AFG1L: variants seen among roughly 807,000 people sequenced by gnomAD.
AFG1L encodes the protein AFG1-like ATPase.
In AFG1L, 53 loss-of-function variants were observed where a neutral mutation model predicts 62.2. The ratio of observed to expected loss-of-function variants is 0.85; its 90% CI spans 0.68 to 1.07. The LOEUF (loss-of-function observed/expected upper bound fraction) is 1.07. Ranked by LOEUF, AFG1L falls within the 50% of genes least tolerant of loss-of-function variation. AFG1L has a pLI of 0.00. For missense variants in AFG1L, 555 were observed against 590.5 expected, an observed-to-expected ratio of 0.94 and a Z score of 0.62; for synonymous variants, 228 against 210.3, an observed-to-expected ratio of 1.08 and a Z score of -0.73.
chr6:108,384,185 G>A (rs1780666830), intron 6 of AFG1L, among the ~76,000 whole-genome samples: 1 of 152,148 alleles, frequency 6.6e-6, no homozygotes, highest in Admixed American at 6.5e-5. Flanking sequence ...AGTCAGTGCT[G>A]CATTGATACC....
At chr6:108,365,231 T>C (rs1477115678) in intron 5 of AFG1L, among the ~76,000 whole-genome samples, 1 of 152,192 alleles carries the variant, frequency 6.6e-6, no homozygotes, top group African/African-American at 2.4e-5. Flanking sequence ...CAATGATTGA[T>C]GTCAATCTTC....
intron 8 of AFG1L, among the ~76,000 whole-genome samples, chr6:108,474,415 G>T (rs1436679437): frequency 6.6e-6 from 1 of 152,140 alleles, no homozygotes; most frequent in Non-Finnish European, 1.5e-5. Context: ...TGGGATTGCT[G>T]GGTCAAATGG....
chr6:108,404,349 A>G (rs998586506), intron 7 of AFG1L, among the ~76,000 whole-genome samples: 10 of 152,190 alleles, frequency 6.6e-5, no homozygotes, highest in South Asian at 2.1e-4. Flanking sequence ...CCAAATAGTT[A>G]TAAGTTTGTA....
chr6:108,309,604 C>T (rs1777327483), intron 1 of AFG1L, among the ~76,000 whole-genome samples: 2 of 152,090 alleles, frequency 1.3e-5, no homozygotes, highest in African/African-American at 4.8e-5. Context: ...TATTGGAAAA[C>T]TGTTCACCTA....
At chr6:108,333,123 C>T (rs1562089725) in intron 2 of AFG1L, among the ~76,000 whole-genome samples, 1 of 152,114 alleles carries the variant, frequency 6.6e-6, no homozygotes, top group African/African-American at 2.4e-5. Flanking sequence ...AAATAATTGA[C>T]TACTGGCTGG....
At chr6:108,475,553 T>A (rs1243009336) in intron 8 of AFG1L, among the ~76,000 whole-genome samples, 2 of 152,192 alleles carry the variant, frequency 1.3e-5, no homozygotes, top group African/African-American at 4.8e-5. Context: ...TTTCTGTCTC[T>A]AAAATTACTT....
intron 8 of AFG1L, among the ~76,000 whole-genome samples, chr6:108,470,907 GT>G (rs1375234841): frequency 6.6e-6 from 1 of 152,214 alleles, no homozygotes; most frequent in African/African-American, 2.4e-5. Context: ...TCATTCACAT[GT>G]TAGGAGGGTG....
intron 8 of AFG1L, among the ~76,000 whole-genome samples, chr6:108,462,906 C>T (rs181937899): frequency 1.3e-3 from 200 of 152,278 alleles, no homozygotes; most frequent in African/African-American, 4.5e-3. Context: ...ACAGTTATAA[C>T]TGAAGATCAA....
chr6:108,402,126 T>C (rs773097906), intron 7 of AFG1L, 72 bp downstream of exon 7: 2 of 747,890 alleles, frequency 2.7e-6, no homozygotes, highest in Non-Finnish European at 4.2e-6. Context: ...AGTAGGATTG[T>C]CTTAGTCTTG....
chr6:108,522,204 G>A, intron 12 of AFG1L, 93 bp from the exon 13 acceptor site: 1 of 1,156,244 alleles, frequency 8.6e-7, no homozygotes, highest in Non-Finnish European at 1.2e-6. Context: ...AATCTAAACC[G>A]GTAAGCCTAA....
rs1775255351 is a variant in AFG1L, at chr6:108,524,619, G to A, written c.*2194G>A. On this transcript the variant is annotated 3_prime_UTR_variant, in exon 13 of 13. Coordinates refer to ENST00000368977, the MANE Select transcript of AFG1L (RefSeq NM_145315.5). ...GTCTCCACCTAAGTAACTGGAGCATGTGCCCACTTCTGTGCCCCCAATCCG... is the reference window on the plus strand; with the variant it reads ...GTCTCCACCTAAGTAACTGGAGCATATGCCCACTTCTGTGCCCCCAATCCG... The A allele has an allele frequency of 6.6e-6, 1 of 152,230 alleles. No homozygotes were observed. 9.4% of individuals were successfully genotyped at this position (152,230 alleles called of 1,614,324 possible). A position where few individuals can be genotyped will look rare whatever the true frequency, so the allele number is the denominator to read the frequency against.
chr6:108,328,179 A>C (rs1300988021), intron 2 of AFG1L, among the ~76,000 whole-genome samples: 1 of 152,228 alleles, frequency 6.6e-6, no homozygotes, highest in African/African-American at 2.4e-5. Flanking sequence ...ATATATTTGC[A>C]TATAGTATAT....
chr6:108,295,481 C>G (rs1044715924), intron 1 of AFG1L, among the ~76,000 whole-genome samples: 1 of 152,142 alleles, frequency 6.6e-6, no homozygotes, highest in Non-Finnish European at 1.5e-5. Context: ...GTTTAGAGAG[C>G]TGAACCTAGT....
rs1233935314 is a variant in AFG1L, at chr6:108,296,236, C to T, written c.139+1018C>T. Among the ~76,000 whole-genome samples, 3 of 152,170 alleles carry T rather than the reference C, an allele frequency of 2.0e-5. No individual in the cohort carries two copies. The South Asian group carries it at 6.2e-4, about 31-fold the overall frequency. On this transcript the variant is annotated intron_variant, in intron 1 of 12. Transcript: ENST00000368977. ...ATTTAGTATAATGGAATAGGCTCCA[C>T]ACACTGCCTGGGGGTAGCCCTGATC...
At chr6:108,514,680 C>T (rs1159831848) in intron 11 of AFG1L, among the ~76,000 whole-genome samples, 1 of 152,148 alleles carries the variant, frequency 6.6e-6, no homozygotes, top group African/African-American at 2.4e-5. Flanking sequence ...GCTAAATGCT[C>T]CAATTAAAAG....
chr6:108,488,099 T>A (rs1246782559), intron 10 of AFG1L, among the ~76,000 whole-genome samples: 1 of 152,178 alleles, frequency 6.6e-6, no homozygotes, highest in Non-Finnish European at 1.5e-5. Flanking sequence ...TTAAATAAAC[T>A]AACATGCTAG....
Position 108,525,778 on chromosome 6 carries a change from G to T in AFG1L, c.*3353G>T, listed in dbSNP as rs1412087005. 2 of 152,224 alleles carry T rather than the reference G, an allele frequency of 1.3e-5. No homozygotes were observed. Among genetic ancestry groups the T allele is most frequent in the African/African-American group, 4.8e-5 (2 of 41,458 alleles). 9.4% of individuals were successfully genotyped at this position (152,224 alleles called of 1,614,324 possible). A position where few individuals can be genotyped will look rare whatever the true frequency, so the allele number is the denominator to read the frequency against. On this transcript the variant is annotated 3_prime_UTR_variant, in exon 13 of 13. Transcript: ENST00000368977. ...CCGAAGTCAATAAAATTAGCAAAGT[G>T]CTAACGTATTAAATTTTCCATTTCA...
At chr6:108,412,854 C>G (rs1782178177) in intron 7 of AFG1L, among the ~76,000 whole-genome samples, 1 of 152,176 alleles carries the variant, frequency 6.6e-6, no homozygotes, top group African/African-American at 2.4e-5. Context: ...GAAACTGCAT[C>G]AACTAATGAG....
chr6:108,326,821 G>A (rs1334943292), intron 2 of AFG1L, among the ~76,000 whole-genome samples: 4 of 152,206 alleles, frequency 2.6e-5, no homozygotes, highest in East Asian at 1.9e-4. Flanking sequence ...TTAGCCAGGC[G>A]TGGTGGCAGG....
Sources: allele counts gnomAD v4.1 joint callset (sites outside exome capture counted in the v4.1 genomes callset), GRCh38; gene constraint gnomAD v4.1.1; transcripts MANE v1.5; gene names NCBI Gene and HGNC (gene_info 2026-07-23, HGNC 2026-07-21).